The following ZNF236 variants were observed in gnomAD, a reference collection of about 807,000 sequenced individuals.
ZNF236 encodes regulated by glucose.
Under a neutral mutation model 191.2 loss-of-function variants are expected in ZNF236, and 50 were observed. The ratio of observed to expected loss-of-function variants is 0.26; its 90% confidence interval spans 0.21 to 0.33. ZNF236 has a LOEUF of 0.33. Ranked by LOEUF, ZNF236 falls within the 10% of genes least tolerant of loss-of-function variation. ZNF236 has a pLI of 1.00. For synonymous variants in ZNF236, 907 were observed against 928.8 expected (o/e 0.98, Z 0.43); for missense variants, 1,754 against 2,374.5 (o/e 0.74, Z 5.43).
At chr18:76,857,753 G>A (rs117982567) in intron 3 of ZNF236, among the ~76,000 whole-genome samples, 2,411 of 152,220 alleles carry the variant, frequency 0.016, 27 homozygotes, top group Middle Eastern at 0.02. Context: ...GTAATGAGAA[G>A]CAAATGTTTG....
intron 1 of ZNF236, among the ~76,000 whole-genome samples, chr18:76,828,121 C>T (rs1436006262): frequency 1.3e-5 from 2 of 151,582 alleles, no homozygotes; most frequent in African/African-American, 2.4e-5. Flanking sequence ...AATTCAAGAG[C>T]CCAAGGGGAG....
chr18:76,865,564 C>T (rs888102111), intron 3 of ZNF236, among the ~76,000 whole-genome samples: 1 of 152,140 alleles, frequency 6.6e-6, no homozygotes, highest in Non-Finnish European at 1.5e-5. Context: ...AGTGCAGGTA[C>T]TTTGAGGTCT....
intron 28 of ZNF236, among the ~76,000 whole-genome samples, chr18:76,957,074 G>A (rs1035280431): frequency 2.0e-5 from 3 of 152,208 alleles, no homozygotes; most frequent in African/African-American, 7.2e-5. Flanking sequence ...CACGCAGAGG[G>A]CAGAGGCGTG....
At chr18:76,836,640 C>T (rs1225268964) in intron 1 of ZNF236, among the ~76,000 whole-genome samples, 5 of 151,808 alleles carry the variant, frequency 3.3e-5, no homozygotes, top group East Asian at 1.9e-4. Flanking sequence ...TGCAGTGGTG[C>T]GATCTCGGCT....
intron 16 of ZNF236, among the ~76,000 whole-genome samples, chr18:76,911,415 A>G (rs1166321172): frequency 6.6e-6 from 1 of 152,198 alleles, no homozygotes; most frequent in Non-Finnish European, 1.5e-5. Context: ...TCTCATAGGT[A>G]GAAACTACAT....
chr18:76,963,650 A>G (rs1210271105), intron 30 of ZNF236, among the ~76,000 whole-genome samples: 2 of 152,170 alleles, frequency 1.3e-5, no homozygotes, highest in Non-Finnish European at 2.9e-5. Context: ...AAGGATTGGT[A>G]CCAATTCTCC....
At chr18:76,926,268 T>G (rs1156512437) in intron 22 of ZNF236, among the ~76,000 whole-genome samples, 2 of 151,928 alleles carry the variant, frequency 1.3e-5, no homozygotes, top group East Asian at 3.9e-4. Context: ...AGACTGTATG[T>G]GGATATAGTA....
rs1200650839 is a variant in ZNF236, at chr18:76,928,076, T to C, written c.4564T>C (p.Ser1522Pro). The change falls in exon 25 of 31, where the codon TCT becomes CCT. Residue 1522 changes from serine (S) to proline (P), a missense_variant. This residue lies in a region of ZNF236 where 606 missense variants were observed against 761.5 expected (regional missense o/e 0.80). Coordinates refer to ENST00000320610, the MANE Select transcript of ZNF236 (RefSeq NM_001306089.2). The part of the protein sequence containing the change: ...AGPTATSSSG[S>P]PQEITLTISE... ...GCCCACTGCCACGTCTTCCTCGGGG[T>C]CTCCACAGGAAATTACCCTGACTAT... 2 of 1,611,710 alleles carry C rather than the reference T, an allele frequency of 1.2e-6. No homozygotes were observed. Among genetic ancestry groups the C allele is most frequent in the Non-Finnish European group, 1.7e-6 (2 of 1,179,228 alleles).
At chr18:76,827,833 A>G (rs1334923610) in intron 1 of ZNF236, among the ~76,000 whole-genome samples, 1 of 152,082 alleles carries the variant, frequency 6.6e-6, no homozygotes, top group Non-Finnish European at 1.5e-5. Context: ...TTTTTTCTTT[A>G]TCATAATTAT....
intron 27 of ZNF236, among the ~76,000 whole-genome samples, chr18:76,953,586 A>G (rs760687814): frequency 4.3e-4 from 66 of 152,324 alleles, no homozygotes; most frequent in Non-Finnish European, 5.3e-4. Context: ...TCATGTCTGA[A>G]TAGAAGAATA....
At chr18:76,847,671 G>T (rs185067898) in intron 1 of ZNF236, among the ~76,000 whole-genome samples, 1 of 152,092 alleles carries the variant, frequency 6.6e-6, no homozygotes, top group East Asian at 1.9e-4. Context: ...GGGTTTCACC[G>T]TGTTAGCCAG....
intron 1 of ZNF236, among the ~76,000 whole-genome samples, chr18:76,843,803 A>AAG (rs1555685783): frequency 0.015 from 927 of 61,984 alleles, 292 homozygotes; most frequent in Middle Eastern, 0.04. Context: ...AAAAAAAAAA[A>AAG]AAGTAAAGAA....
chr18:76,881,774 C>G (rs1291061535), intron 9 of ZNF236, among the ~76,000 whole-genome samples: 2 of 152,216 alleles, frequency 1.3e-5, no homozygotes, highest in African/African-American at 4.8e-5. Flanking sequence ...CTTCTTGTCT[C>G]TGTCTGTTCT....
Position 76,825,998 on chromosome 18 carries a change from C to T in ZNF236, c.55+3336C>T, listed in dbSNP as rs116441813. On this transcript the variant is annotated intron_variant, in intron 1 of 30. Coordinates refer to ENST00000320610, the MANE Select transcript of ZNF236 (RefSeq NM_001306089.2). ...CACTTACTGTGTTAATCACATTTCTCGTAAGTGAAGTGGTTTTATTTTCTT... is the reference window on the plus strand; with the variant it reads ...CACTTACTGTGTTAATCACATTTCTTGTAAGTGAAGTGGTTTTATTTTCTT... 7.4e-3 allele frequency among the ~76,000 whole-genome samples: 1,121 copies of T among 152,286 alleles called. 12 individuals are homozygous for T. Among genetic ancestry groups the T allele is most frequent in the African/African-American group, 0.017 (712 of 41,542 alleles).
intron 9 of ZNF236, chr18:76,886,501 AG>A (rs1183407472): frequency 1.6e-5 from 3 of 192,794 alleles, no homozygotes; most frequent in Middle Eastern, 1.9e-3. Flanking sequence ...GCACCTGAGA[AG>A]GGGGCACCAT....
At position 76,847,478 on chromosome 18, in the gene ZNF236, T is replaced by A. The variant is rs372930595; in HGVS notation, c.56-2048T>A. ...TTTATTTATTTTTATTTATTTATTT[T>A]TTTTTTAGGCAGAGTCTCACTCTTT... On this transcript the variant is annotated intron_variant, in intron 1 of 30. Transcript: ENST00000320610. Among the ~76,000 whole-genome samples, 944 of 152,120 alleles carry A rather than the reference T, an allele frequency of 6.2e-3. 18 individuals are homozygous for A. Among genetic ancestry groups the A allele is most frequent in the South Asian group, 0.04 (191 of 4,822 alleles).
At chr18:76,840,366 T>C (rs1172370458) in intron 1 of ZNF236, among the ~76,000 whole-genome samples, 1 of 152,088 alleles carries the variant, frequency 6.6e-6, no homozygotes, top group Non-Finnish European at 1.5e-5. Flanking sequence ...TGGTGGCACA[T>C]GCCTGTAATC....
chr18:76,868,364 C>T (rs536305683), intron 3 of ZNF236, among the ~76,000 whole-genome samples: 1 of 152,338 alleles, frequency 6.6e-6, no homozygotes, highest in Admixed American at 6.5e-5. Context: ...AAAGCGCTCA[C>T]AGAATAGGCG....
chr18:76,941,270 C>T (rs1968127548), intron 26 of ZNF236, among the ~76,000 whole-genome samples: 1 of 152,120 alleles, frequency 6.6e-6, no homozygotes, highest in Admixed American at 6.5e-5. Context: ...CATTTCGGGG[C>T]CTGCTGTCCT....
Sources: allele counts gnomAD v4.1 joint callset (sites outside exome capture counted in the v4.1 genomes callset), GRCh38; gene constraint gnomAD v4.1.1; regional missense constraint gnomAD v4.1.1; transcripts MANE v1.5; gene names NCBI Gene and HGNC (gene_info 2026-07-23, HGNC 2026-07-21).